PDIK1L: variants seen among roughly 807,000 people sequenced by gnomAD.
The protein encoded by PDIK1L is PDLIM1 interacting kinase 1 like.
Under a neutral mutation model 27.1 loss-of-function variants are expected in PDIK1L, and 9 were observed. That is an observed-to-expected ratio of 0.33 (90% CI 0.20 to 0.58). The LOEUF is 0.58. PDIK1L is among the 20% of genes least tolerant of loss of function. The pLI is 0.86. For synonymous variants in PDIK1L, 130 were observed against 141.7 expected, an observed-to-expected ratio of 0.92 and a Z score of 0.59; for missense variants, 216 against 413.2, an observed-to-expected ratio of 0.52 and a Z score of 4.14.
Position 26,124,792 on chromosome 1 carries a change from G to A in PDIK1L, c.*2215G>A, listed in dbSNP as rs2088050274. 1 of 152,054 alleles carries A rather than the reference G, an allele frequency of 6.6e-6. No individual in the cohort carries two copies. The highest frequency in any genetic ancestry group is 1.5e-5 in the Non-Finnish European group (1 of 67,982). 9.4% of individuals were successfully genotyped at this position (152,054 alleles called of 1,614,324 possible). ...CTTTGTCTTTGTTCTTTCAGTCAGA[G>A]GTATTTATTAAGTACCTACTGTGTG... On this transcript the variant is annotated 3_prime_UTR_variant, in exon 3 of 3. Transcript: ENST00000374269.
At chr1:26,113,638 AAAAC>A (rs1557593451) in intron 1 of PDIK1L, among the ~76,000 whole-genome samples, 1 of 152,080 alleles carries the variant, frequency 6.6e-6, no homozygotes, top group Non-Finnish European at 1.5e-5. Context: ...TTACATAATG[AAAAC>A]AAACATTTTC....
intron 2 of PDIK1L, among the ~76,000 whole-genome samples, chr1:26,120,721 A>C (rs2087965755): frequency 6.6e-6 from 1 of 152,188 alleles, no homozygotes; most frequent in South Asian, 2.1e-4. Context: ...TGGGAGGCCG[A>C]GGTGGGCGGA....
chr1:26,113,514 A>G (rs949275555), intron 1 of PDIK1L, among the ~76,000 whole-genome samples: 26 of 151,524 alleles, frequency 1.7e-4, no homozygotes, highest in Admixed American at 2.6e-4. Flanking sequence ...AAAAAAAAAA[A>G]AAAAAGAAAC....
chr1:26,111,834 G>C lies in PDIK1L; in HGVS notation c.-99G>C, dbSNP rs1218118511. Reference sequence around the variant, plus strand: ...CGCGCGCCGGCTGCTGACTGGAGGCGGCGGCAGCGGAGGCGCGAGCTGCCC... The same window carrying C: ...CGCGCGCCGGCTGCTGACTGGAGGCCGCGGCAGCGGAGGCGCGAGCTGCCC... On this transcript the variant is annotated 5_prime_UTR_variant, in exon 1 of 3. Coordinates refer to ENST00000374269, the MANE Select transcript of PDIK1L (RefSeq NM_152835.5). The surrounding 1 kb of genome is among the most constrained non-coding windows in gnomAD (Gnocchi z 4.0). The C allele has an allele frequency of 1.3e-5, 2 of 152,240 alleles. No homozygotes were observed. The highest frequency in any genetic ancestry group is 2.9e-5 in the Non-Finnish European group (2 of 68,156). 9.4% of individuals were successfully genotyped at this position (152,240 alleles called of 1,614,324 possible). A position where few individuals can be genotyped will look rare whatever the true frequency, so the allele number is the denominator to read the frequency against.
chr1:26,111,559 C>G (rs1455904588), upstream of PDIK1L: 1 of 151,456 alleles, frequency 6.6e-6, no homozygotes, highest in African/African-American at 2.4e-5. This position sits in a 1 kb window ranked among gnomAD's most constrained non-coding sequence, Gnocchi z 4.0. Flanking sequence ...TGGCCGAGCC[C>G]CGGCGTGGCG....
intron 2 of PDIK1L, among the ~76,000 whole-genome samples, chr1:26,117,180 C>T (rs1236069798): frequency 6.6e-6 from 1 of 151,708 alleles, no homozygotes; most frequent in African/African-American, 2.4e-5. Context: ...TACAGGTGCC[C>T]GTCACCATGC....
At position 26,122,106 on chromosome 1, in the gene PDIK1L, C is replaced by A; in HGVS notation, c.555C>A (p.Thr185=). 6.2e-7 allele frequency: 1 copy of A among 1,613,696 alleles called. No individual in the cohort carries two copies. Among genetic ancestry groups the A allele is most frequent in the Non-Finnish European group, 8.5e-7 (1 of 1,179,964 alleles). Residue 185 remains threonine (T), a synonymous_variant, in exon 3 of 3, where the codon ACC becomes ACA. Coordinates refer to ENST00000374269, the MANE Select transcript of PDIK1L (RefSeq NM_152835.5). This position sits in a 1 kb window ranked among gnomAD's most constrained non-coding sequence, Gnocchi z 5.4. The part of the protein sequence containing the change: ...TRLDTSDLEP[T]LKVADFGLSK... ...TGGATACCAGTGACTTGGAACCTAC[C>A]CTCAAAGTGGCTGATTTTGGTCTAA...
rs1359955128 is a variant in PDIK1L at position 26,124,112 on chromosome 1, TC to T, written c.*1537del. The T allele has an allele frequency of 6.6e-6, 1 of 152,620 alleles. No individual in the cohort carries two copies. The highest frequency in any genetic ancestry group is 2.4e-5 in the African/African-American group (1 of 41,460). 9.5% of individuals were successfully genotyped at this position (152,620 alleles called of 1,614,324 possible). ...TTCATAATCTCAGCTTTTTTGAACT[TC>T]CACAATTTTTGGAATATGTCATAAT... On this transcript the variant is annotated 3_prime_UTR_variant, in exon 3 of 3. Transcript: ENST00000374269.
intron 2 of PDIK1L, among the ~76,000 whole-genome samples, chr1:26,118,057 C>CAA (rs763719360): frequency 1.9e-4 from 20 of 102,986 alleles, no homozygotes; most frequent in African/African-American, 3.2e-4. Flanking sequence ...GACCCTGTCT[C>CAA]AAAAAAAAAA....
At position 26,114,664 on chromosome 1, in the gene PDIK1L, G is replaced by A; in HGVS notation, c.285+71G>A. On this transcript the variant is annotated intron_variant, in intron 2 of 2. Transcript: ENST00000374269. This position sits in a 1 kb window ranked among gnomAD's most constrained non-coding sequence, Gnocchi z 4.8. ...TGGCCAGCAAGAAGAGGAATGAAAG[G>A]GTCAGACGAACGTTTCCCTTTAAAT... 2 of 1,519,318 alleles carry A rather than the reference G, an allele frequency of 1.3e-6. No homozygotes were observed. Among genetic ancestry groups the A allele is most frequent in the Non-Finnish European group, 9.0e-7 (1 of 1,115,220 alleles). 94.1% of individuals were successfully genotyped at this position (1,519,318 alleles called of 1,614,324 possible).
Position 26,123,231 on chromosome 1 carries a change from G to A in PDIK1L, c.*654G>A, listed in dbSNP as rs1032715461. ...TTTTTTTAAGGCATCATTTTCGAGG[G>A]TCTAAAATTATCTGGTAAAACAAAT... On this transcript the variant is annotated 3_prime_UTR_variant, in exon 3 of 3. Transcript: ENST00000374269. The A allele has an allele frequency of 2.7e-5, 4 of 150,614 alleles. No homozygotes were observed. Among genetic ancestry groups the A allele is most frequent in the African/African-American group, 9.8e-5 (4 of 40,688 alleles). The allele number at this position is 150,614 out of a possible 1,614,324, so 9.3% of individuals were successfully genotyped here.
intron 1 of PDIK1L, among the ~76,000 whole-genome samples, chr1:26,113,498 T>TAAAAA (rs67443362): frequency 6.6e-5 from 6 of 91,026 alleles, no homozygotes; most frequent in Admixed American, 1.3e-4. Context: ...AGACTCCGTC[T>TAAAAA]AAAAAAAAAA....
At position 26,122,046 on chromosome 1, in the gene PDIK1L, T is replaced by C; in HGVS notation, c.495T>C (p.Leu165=). Residue 165 remains leucine, a synonymous_variant, in exon 3 of 3, where the codon CTT becomes CTC. Transcript: ENST00000374269. This position sits in a 1 kb window ranked among gnomAD's most constrained non-coding sequence, Gnocchi z 5.4. ...LHKNQIIHRD[L]KPDNILISQT... is the part of the protein sequence containing the mutation. Reference sequence around the variant, plus strand: ...AAAACCAGATCATCCACCGAGATCTTAAGCCTGATAACATCCTGATTTCTC... The same window carrying C: ...AAAACCAGATCATCCACCGAGATCTCAAGCCTGATAACATCCTGATTTCTC... 4 of 1,614,054 alleles carry C rather than the reference T, an allele frequency of 2.5e-6. No individual in the cohort carries two copies. Among genetic ancestry groups the C allele is most frequent in the Non-Finnish European group, 3.4e-6 (4 of 1,180,016 alleles).
At chr1:26,119,748 A>C (rs2087946186) in intron 2 of PDIK1L, among the ~76,000 whole-genome samples, 1 of 152,080 alleles carries the variant, frequency 6.6e-6, no homozygotes, top group Non-Finnish European at 1.5e-5. Flanking sequence ...AGTCCCAGCT[A>C]CTTGGGAGGC....
chr1:26,114,729 G>C lies in PDIK1L; in HGVS notation c.285+136G>C. On this transcript the variant is annotated intron_variant, in intron 2 of 2. Transcript: ENST00000374269. This position sits in a 1 kb window ranked among gnomAD's most constrained non-coding sequence, Gnocchi z 4.8. ...TTAGAAGTAGATAAGTGTCTGCCAA[G>C]AATTGAGTAGATGTTTGCTTTAAAA... 1 of 979,826 alleles carries C rather than the reference G, an allele frequency of 1.0e-6. No individual in the cohort carries two copies. The highest frequency in any genetic ancestry group is 1.5e-6 in the Non-Finnish European group (1 of 672,424). 60.7% of individuals were successfully genotyped at this position (979,826 alleles called of 1,614,324 possible).
chr1:26,122,822 A>G lies in PDIK1L; in HGVS notation c.*245A>G. 2 of 325,736 alleles carry G rather than the reference A, an allele frequency of 6.1e-6. No individual in the cohort carries two copies. The highest frequency in any genetic ancestry group is 1.1e-5 in the Non-Finnish European group (2 of 183,266). The allele number at this position is 325,736 out of a possible 1,614,324, so 20.2% of individuals were successfully genotyped here. The stretch of plus-strand genomic sequence containing the variant: ...AAATGATTATTGATAGAAGTTTGGC[A>G]GGAAAATTCTTTAAGAGCTAACAAG... On this transcript the variant is annotated 3_prime_UTR_variant, in exon 3 of 3. Coordinates refer to ENST00000374269, the MANE Select transcript of PDIK1L (RefSeq NM_152835.5). This position sits in a 1 kb window ranked among gnomAD's most constrained non-coding sequence, Gnocchi z 5.4.
At chr1:26,117,014 C>T (rs1325265857) in intron 2 of PDIK1L, among the ~76,000 whole-genome samples, 1 of 140,002 alleles carries the variant, frequency 7.1e-6, no homozygotes, top group Non-Finnish European at 1.5e-5. Context: ...CTGCGCCCAA[C>T]CTTTTTTTTT....
At chr1:26,119,352 G>T (rs932476184) in intron 2 of PDIK1L, among the ~76,000 whole-genome samples, 2 of 152,174 alleles carry the variant, frequency 1.3e-5, no homozygotes, top group East Asian at 1.9e-4. Flanking sequence ...AGGCTGCGGT[G>T]AGCCATGATG....
At chr1:26,120,699 G>T (rs1170449529) in intron 2 of PDIK1L, among the ~76,000 whole-genome samples, 1 of 152,144 alleles carries the variant, frequency 6.6e-6, no homozygotes. Flanking sequence ...CATGCCTATA[G>T]TCCCAGCACT....
Sources: gnomAD v4.1 joint callset for allele counts (sites outside exome capture counted in the v4.1 genomes callset) on GRCh38, gnomAD v4.1.1 for gene constraint, Gnocchi (gnomAD v3.1) non-coding constraint, MANE v1.5 for transcripts, NCBI Gene and HGNC (gene_info 2026-07-23, HGNC 2026-07-21) for gene names.